Variants in ADCY9 observed in about 807,000 individuals in gnomAD.
The protein encoded by ADCY9 is adenylate cyclase 9, also known as adenylate cyclase type 9.
ADCY9 carries 50 observed loss-of-function variants against 101.5 expected under a neutral mutation model. That is an observed-to-expected ratio of 0.49 (90% CI 0.39 to 0.62). The LOEUF is 0.62. Among genes scored for constraint, ADCY9 ranks in the 20% least tolerant of loss-of-function variants. The pLI is 0.00. For synonymous variants in ADCY9, 905 were observed against 769.3 expected (o/e 1.18, Z -2.92); for missense variants, 1,662 against 1,800.4 (o/e 0.92, Z 1.39).
chr16:3,986,185 C>T (rs2038861677), intron 6 of ADCY9, among the ~76,000 whole-genome samples: 1 of 152,264 alleles, frequency 6.6e-6, no homozygotes, highest in Non-Finnish European at 1.5e-5. Context: ...GTCTCTTTAT[C>T]CAAAACCAGG....
intron 10 of ADCY9, among the ~76,000 whole-genome samples, chr16:3,971,795 G>T (rs2056054348): frequency 6.6e-6 from 1 of 152,120 alleles, no homozygotes. Flanking sequence ...TGTGCAGGGG[G>T]TGTTTCCAGT....
At chr16:3,983,473 G>A (rs376667183) in intron 6 of ADCY9, 33 bp from the exon 7 acceptor site, 130 of 1,559,726 alleles carry the variant, frequency 8.3e-5, no homozygotes, top group Non-Finnish European at 1.0e-4. Context: ...AGAATGACTG[G>A]GAGGCCATGG....
At chr16:3,980,356 G>A (rs1370071718) in intron 7 of ADCY9, among the ~76,000 whole-genome samples, 1 of 152,196 alleles carries the variant, frequency 6.6e-6, no homozygotes, top group Non-Finnish European at 1.5e-5. Context: ...ACAGGTCTTG[G>A]CTGAGTCCAA....
chr16:3,994,837 G>C (rs541067399), intron 3 of ADCY9, among the ~76,000 whole-genome samples: 5 of 152,298 alleles, frequency 3.3e-5, no homozygotes, highest in Non-Finnish European at 5.9e-5. Context: ...CCAACTATGC[G>C]AGGACACAAA....
chr16:4,052,332 C>T (rs145102819), intron 2 of ADCY9, among the ~76,000 whole-genome samples: 27 of 152,318 alleles, frequency 1.8e-4, no homozygotes, highest in African/African-American at 6.0e-4. Context: ...ACAGTGCCCA[C>T]GTCCTGATTT....
chr16:4,107,550 CAAAAAAAA>C (rs61565312), intron 2 of ADCY9, among the ~76,000 whole-genome samples: 5 of 72,822 alleles, frequency 6.9e-5, no homozygotes, highest in Non-Finnish European at 7.2e-5. Context: ...GACTCTGTCT[CAAAAAAAA>C]AAAAAAAAAA....
At chr16:4,082,680 GCAT>G (rs1440154434) in intron 2 of ADCY9, among the ~76,000 whole-genome samples, 14 of 146,126 alleles carry the variant, frequency 9.6e-5, no homozygotes, top group East Asian at 4.1e-4. Context: ...GCACACCCAT[GCAT>G]GCATGCACAC....
At chr16:4,064,108 T>C (rs1206319305) in intron 2 of ADCY9, among the ~76,000 whole-genome samples, 1 of 152,144 alleles carries the variant, frequency 6.6e-6, no homozygotes, top group African/African-American at 2.4e-5. Context: ...ACAAAATCAA[T>C]ATCAGGAAAT....
chr16:4,092,548 T>C (rs567783079), intron 2 of ADCY9, among the ~76,000 whole-genome samples: 1 of 152,362 alleles, frequency 6.6e-6, no homozygotes, highest in South Asian at 2.1e-4. Flanking sequence ...ATTTCCATTT[T>C]CTATTTCTAG....
chr16:3,995,015 C>A (rs888636536), intron 3 of ADCY9, among the ~76,000 whole-genome samples: 1 of 152,140 alleles, frequency 6.6e-6, no homozygotes, highest in African/African-American at 2.4e-5. Flanking sequence ...AAGAGCAAAG[C>A]CTTTATTTCT....
At chr16:4,102,936 G>A (rs1303315884) in intron 2 of ADCY9, among the ~76,000 whole-genome samples, 2 of 152,056 alleles carry the variant, frequency 1.3e-5, no homozygotes, top group African/African-American at 4.8e-5. Context: ...TGGCCAGGCT[G>A]GTCTCCAACT....
At chr16:4,018,482 G>T (rs952707611) in intron 2 of ADCY9, among the ~76,000 whole-genome samples, 5 of 152,160 alleles carry the variant, frequency 3.3e-5, no homozygotes, top group African/African-American at 4.8e-5. Context: ...CAAAGTGCTG[G>T]AATTACAGGC....
At chr16:3,961,448 C>CA (rs768911940), downstream of ADCY9, among the ~76,000 whole-genome samples, 5,348 of 124,946 alleles carry the variant, frequency 0.043, 206 homozygotes, top group African/African-American at 0.12. Context: ...ACCCTGTCTC[C>CA]AAAAAAAAAA....
chr16:3,993,629 G>T, intron 3 of ADCY9, 119 bp from the exon 4 acceptor site: 1 of 1,315,430 alleles, frequency 7.6e-7, no homozygotes, highest in Non-Finnish European at 1.1e-6. Context: ...CAAGGGGAAG[G>T]CACACAGAAC....
intron 2 of ADCY9, among the ~76,000 whole-genome samples, chr16:4,025,601 G>C (rs2056509390): frequency 6.6e-6 from 1 of 152,198 alleles, no homozygotes; most frequent in Admixed American, 6.5e-5. Context: ...GGAGAAGTCT[G>C]GCACGAGGCC....
In ADCY9 at chr16:3,989,108, A is replaced by G; in HGVS notation, c.2208-12T>C. 5 of 1,590,432 alleles carry G rather than the reference A, an allele frequency of 3.1e-6. No individual in the cohort carries two copies. The highest frequency in any genetic ancestry group is 4.3e-6 in the Non-Finnish European group (5 of 1,158,490). On this transcript the variant is annotated splice_polypyrimidine_tract_variant and intron_variant, in intron 5 of 10. Transcript: ENST00000294016. ...AATCTTTCATCAGGCTAGAAGACACAACAAATGCAGTCGATCAATACCCAG... is the reference window on the plus strand; with the variant it reads ...AATCTTTCATCAGGCTAGAAGACACGACAAATGCAGTCGATCAATACCCAG...
At chr16:4,071,261 C>G (rs1034837351) in intron 2 of ADCY9, among the ~76,000 whole-genome samples, 8 of 132,566 alleles carry the variant, frequency 6.0e-5, no homozygotes, top group African/African-American at 2.0e-4. Context: ...ACCCGGGAAG[C>G]GGAGGTTGCA....
At position 3,964,907 on chromosome 16, in the gene ADCY9, A is replaced by G. The variant is rs1337733267; in HGVS notation, c.*868T>C. 3 of 151,822 alleles carry G rather than the reference A, an allele frequency of 2.0e-5. No individual in the cohort carries two copies. The highest frequency in any genetic ancestry group is 2.4e-5 in the African/African-American group (1 of 41,322). 9.4% of individuals were successfully genotyped at this position (151,822 alleles called of 1,614,324 possible). On this transcript the variant is annotated 3_prime_UTR_variant, in exon 11 of 11. Transcript: ENST00000294016. ...GTAAATAAATAAATAAATAAATGCA[A>G]CCTCGGATGTTTATTTGGTATTTCC...
chr16:4,114,357 G>A lies in ADCY9; in HGVS notation c.1086C>T (p.Ala362=). The A allele has an allele frequency of 1.9e-6, 3 of 1,613,978 alleles. No individual in the cohort carries two copies. The highest frequency in any genetic ancestry group is 1.7e-6 in the Non-Finnish European group (2 of 1,180,028). ...EESENSVKRH[A]TSSPKNRKKK... Reference sequence around the variant, plus strand: ...TCTTCCTGTTCTTGGGGCTCGAGGTGGCATGCCTCTTGACAGAATTCTCAC... The same window carrying A: ...TCTTCCTGTTCTTGGGGCTCGAGGTAGCATGCCTCTTGACAGAATTCTCAC... The change falls in exon 2 of 11, where the codon GCC becomes GCT. Residue 362 remains alanine, a synonymous_variant. Transcript: ENST00000294016. The surrounding 1 kb of genome is among the most constrained non-coding windows in gnomAD (Gnocchi z 4.3).
Sources: allele counts gnomAD v4.1 joint callset (sites outside exome capture counted in the v4.1 genomes callset), GRCh38; gene constraint gnomAD v4.1.1; non-coding constraint Gnocchi (gnomAD v3.1); transcripts MANE v1.5; gene names NCBI Gene and HGNC (gene_info 2026-07-23, HGNC 2026-07-21).